The following RYR2 variants were observed in gnomAD, a reference collection of about 807,000 sequenced individuals.
RYR2 encodes the protein ryanodine receptor 2, also known as cardiac muscle ryanodine receptor-calcium release channel.
In RYR2, 227 loss-of-function variants were observed where a neutral mutation model predicts 601.1. The ratio of observed to expected loss-of-function variants is 0.38; its 90% CI spans 0.34 to 0.42. The LOEUF is 0.42. Ranked by LOEUF, RYR2 falls within the 10% of genes least tolerant of loss-of-function variation. RYR2 has a pLI of 1.00. For missense variants in RYR2, 4,646 were observed against 6,156.5 expected, an observed-to-expected ratio of 0.75 and a Z score of 8.21; for synonymous variants, 2,223 against 2,175.1, an observed-to-expected ratio of 1.02 and a Z score of -0.61.
intron 10 of RYR2, among the ~76,000 whole-genome samples, chr1:237,395,626 A>G (rs147509036): frequency 0.14 from 20,429 of 143,156 alleles, 1,673 homozygotes; most frequent in East Asian, 0.31. Flanking sequence ...TGCTCACTGC[A>G]AGCTCTGCCT....
In RYR2 at chr1:237,492,943, T is replaced by C. The variant is rs937591416; in HGVS notation, c.1828-11T>C. The stretch of plus-strand genomic sequence containing the variant: ...GAGGGAGGATCAGCTGAAAGTAATT[T>C]CTCTTTTCAGGTTCTGGATGTCTTG... On this transcript the variant is annotated splice_polypyrimidine_tract_variant and intron_variant, in intron 18 of 104. Transcript: ENST00000366574. The C allele has an allele frequency of 1.3e-6, 2 of 1,563,826 alleles. No homozygotes were observed. Among genetic ancestry groups the C allele is most frequent in the African/African-American group, 1.4e-5 (1 of 73,708 alleles).
At chr1:237,054,323 C>G (rs1661695032) in intron 1 of RYR2, among the ~76,000 whole-genome samples, 1 of 136,958 alleles carries the variant, frequency 7.3e-6, no homozygotes, top group East Asian at 2.2e-4. Context: ...CCCCTCCCCG[C>G]CTCCCCCCTC....
chr1:237,625,570 T>C (rs1195628050), intron 39 of RYR2, 91 bp from the exon 40 acceptor site: 3 of 1,301,464 alleles, frequency 2.3e-6, no homozygotes, highest in Non-Finnish European at 1.1e-6. Context: ...TGTTCTAAGT[T>C]GTGCATGAAA....
At chr1:237,358,704 C>A (rs1414184101) in intron 4 of RYR2, among the ~76,000 whole-genome samples, 1 of 151,922 alleles carries the variant, frequency 6.6e-6, no homozygotes, top group Non-Finnish European at 1.5e-5. Flanking sequence ...AGTGTGGTCA[C>A]TTCCCAGTTG....
intron 31 of RYR2, 123 bp downstream of exon 31, chr1:237,591,115 T>TC (rs1675119313): frequency 3.8e-5 from 4 of 105,346 alleles, no homozygotes; most frequent in Non-Finnish European, 5.8e-5. Flanking sequence ...CTCCTCCTCT[T>TC]CCCCCTTCTC....
rs552762599 is a variant in RYR2, at chr1:237,753,659, G to GTAACCTTGAAA, written c.11146-2613_11146-2603dup. Among the ~76,000 whole-genome samples, 21 of 152,214 alleles carry GTAACCTTGAAA rather than the reference G, an allele frequency of 1.4e-4. No homozygotes were observed. The East Asian group carries it at 3.9e-3, about 28-fold the overall frequency. On this transcript the variant is annotated intron_variant, in intron 80 of 104. Transcript: ENST00000366574. ...GCTCTTTTTTTCCTCACCTTACTGT[G>GTAACCTTGAAA]TAACCTTGAAATAACCTTGAAATAA...
chr1:237,064,679 A>G (rs1663306549), intron 1 of RYR2, among the ~76,000 whole-genome samples: 6 of 150,162 alleles, frequency 4.0e-5, no homozygotes, highest in Admixed American at 4.0e-4. Flanking sequence ...CCTAGTAGGT[A>G]TAACTCTTCT....
chr1:237,454,180 C>T lies in RYR2; in HGVS notation c.1293-211C>T, dbSNP rs560993246. Among the ~76,000 whole-genome samples the T allele has an allele frequency of 1.8e-4, 28 of 152,164 alleles. 1 individual carries two copies. In the South Asian group the frequency reaches 4.2e-3, roughly 23 times the overall value. ...TGAGGTTATTCTCTGGGTGAGTGGC[C>T]GTGGATACTGCTTTTTATAACATAA... is the stretch of plus-strand genomic sequence containing the variant. On this transcript the variant is annotated intron_variant, in intron 14 of 104. Transcript: ENST00000366574.
chr1:237,083,909 G>A (rs1273764084), intron 1 of RYR2, among the ~76,000 whole-genome samples: 1 of 152,116 alleles, frequency 6.6e-6, no homozygotes, highest in Non-Finnish European at 1.5e-5. Flanking sequence ...TTATGCCCAC[G>A]GCACACCTCA....
chr1:237,782,511 C>A lies in RYR2; in HGVS notation c.11962+865C>A, dbSNP rs74149926. ...ACTCCACTTCAGTTAACTGAGGCAG[C>A]TGTCACGCCTCGTGCTAGGACTTTG... is the stretch of plus-strand genomic sequence containing the variant. On this transcript the variant is annotated intron_variant, in intron 89 of 104. Coordinates refer to ENST00000366574, the MANE Select transcript of RYR2 (RefSeq NM_001035.3). Among the ~76,000 whole-genome samples the A allele has an allele frequency of 3.4e-3, 514 of 152,294 alleles. 4 individuals carry two copies. The highest frequency in any genetic ancestry group is 0.012 in the African/African-American group (493 of 41,564).
intron 79 of RYR2, 129 bp from the exon 80 acceptor site, chr1:237,742,167 A>T: frequency 1.5e-6 from 1 of 661,368 alleles, no homozygotes; most frequent in Admixed American, 2.9e-5. Context: ...ATTCTATCTT[A>T]CATGTGTTTA....
chr1:237,405,377 G>T (rs1340859879), intron 10 of RYR2, among the ~76,000 whole-genome samples: 1 of 152,136 alleles, frequency 6.6e-6, no homozygotes, highest in Non-Finnish European at 1.5e-5. Flanking sequence ...TCCACAAATG[G>T]AATGCCCTTG....
chr1:237,069,956 G>T (rs2148313683), intron 1 of RYR2, among the ~76,000 whole-genome samples: 1 of 150,420 alleles, frequency 6.6e-6, no homozygotes, highest in African/African-American at 2.4e-5. Context: ...ATTTTTAATT[G>T]TTTTCCATTG....
chr1:237,231,648 T>C (rs1298578452), intron 1 of RYR2, among the ~76,000 whole-genome samples: 1 of 152,222 alleles, frequency 6.6e-6, no homozygotes. Flanking sequence ...ATTATGAACA[T>C]AGAACATGGT....
chr1:237,595,503 A>T lies in RYR2; in HGVS notation c.4442A>T (p.Lys1481Ile). Residue 1481 changes from lysine (K) to isoleucine (I), a missense_variant, in exon 34 of 105, where the codon AAA becomes ATA. This residue lies in a region of RYR2 where 1,807 missense variants were observed against 2,088.1 expected (regional missense o/e 0.87). Coordinates refer to ENST00000366574, the MANE Select transcript of RYR2 (RefSeq NM_001035.3). ...AATGTTCTTTTGAAATTCAGCATCA[A>T]ACGCAGCAACTGCTATATGGTATGT... is the stretch of plus-strand genomic sequence containing the variant. ...DEKGKVHESI[K>I]RSNCYMVCAG... 2 of 1,606,056 alleles carry T rather than the reference A, an allele frequency of 1.2e-6. No individual in the cohort carries two copies. The highest frequency in any genetic ancestry group is 1.1e-5 in the South Asian group (1 of 88,792).
At chr1:237,749,696 C>T (rs1692379152) in intron 80 of RYR2, among the ~76,000 whole-genome samples, 2 of 152,136 alleles carry the variant, frequency 1.3e-5, no homozygotes, top group African/African-American at 4.8e-5. Context: ...CATAAATTCT[C>T]TTCATTTTTA....
intron 38 of RYR2, among the ~76,000 whole-genome samples, chr1:237,620,394 A>G (rs1266980098): frequency 2.0e-5 from 3 of 152,182 alleles, no homozygotes; most frequent in African/African-American, 7.2e-5. Flanking sequence ...TGTTCAAGTA[A>G]TGCATAGCAT....
chr1:237,066,265 T>G (rs905293152), intron 1 of RYR2, among the ~76,000 whole-genome samples: 1 of 152,280 alleles, frequency 6.6e-6, no homozygotes, highest in Non-Finnish European at 1.5e-5. Flanking sequence ...TTTCAGTTTT[T>G]GGCTATTACA....
intron 1 of RYR2, among the ~76,000 whole-genome samples, chr1:237,118,221 G>A (rs1368866369): frequency 2.0e-5 from 3 of 151,680 alleles, no homozygotes; most frequent in Non-Finnish European, 2.9e-5. Context: ...TTTTTTTTTG[G>A]AGAATTGGAG....
Sources: gnomAD v4.1 joint callset for allele counts (sites outside exome capture counted in the v4.1 genomes callset) on GRCh38, gnomAD v4.1.1 for gene constraint, gnomAD v4.1.1 regional missense constraint, MANE v1.5 for transcripts, NCBI Gene and HGNC (gene_info 2026-07-23, HGNC 2026-07-21) for gene names.